The following NFATC3 variants were observed in gnomAD, a reference collection of about 807,000 sequenced individuals.
NFATC3 encodes nuclear factor of activated T-cells, cytoplasmic 3.
Under a neutral mutation model 98.6 loss-of-function variants are expected in NFATC3, and 46 were observed. That is an observed-to-expected ratio of 0.47 (90% confidence interval 0.37 to 0.60). The LOEUF is 0.60. Among genes scored for constraint, NFATC3 ranks in the 20% least tolerant of loss-of-function variants. The probability of loss-of-function intolerance (pLI) is 0.00; values close to 1 mark genes in which losing one functional copy is unlikely to be tolerated. For missense variants in NFATC3, 1,256 were observed against 1,295.5 expected, an observed-to-expected ratio of 0.97 and a Z score of 0.47; for synonymous variants, 512 against 472.2, an observed-to-expected ratio of 1.08 and a Z score of -1.09.
intron 9 of NFATC3, chr16:68,217,765 G>T: frequency 1.6e-6 from 2 of 1,231,624 alleles, no homozygotes; most frequent in Non-Finnish European, 2.0e-6. Flanking sequence ...GCCCGAGGAA[G>T]GGATGGGAAA....
intron 3 of NFATC3, among the ~76,000 whole-genome samples, chr16:68,134,355 G>A (rs972206008): frequency 5.3e-5 from 8 of 151,934 alleles, no homozygotes; most frequent in Non-Finnish European, 8.8e-5. Context: ...TTTAGACAGG[G>A]CCTCGCTATG....
Position 68,219,980 on chromosome 16 carries a change from A to T in NFATC3, c.3107-6370A>T, listed in dbSNP as rs563490016. On this transcript the variant is annotated intron_variant, in intron 9 of 9. Coordinates refer to ENST00000346183, the MANE Select transcript of NFATC3 (RefSeq NM_173165.3). ...CCTCATTCTTGTGTGTAGAAATAGC[A>T]TTCCAGTGGACTGCCAATTTGAACA... Among the ~76,000 whole-genome samples the T allele has an allele frequency of 2.6e-5, 4 of 152,336 alleles. No individual in the cohort carries two copies. The South Asian group carries it at 8.3e-4, about 32-fold the overall frequency.
chr16:68,130,652 A>T (rs2037066240), intron 3 of NFATC3, among the ~76,000 whole-genome samples: 1 of 152,042 alleles, frequency 6.6e-6, no homozygotes, highest in African/African-American at 2.4e-5. Context: ...TATTTAGTTG[A>T]TAGAGTTCTA....
At chr16:68,156,602 A>G (rs1311099961) in intron 3 of NFATC3, among the ~76,000 whole-genome samples, 3 of 152,184 alleles carry the variant, frequency 2.0e-5, no homozygotes, top group Non-Finnish European at 2.9e-5. Context: ...CAGTTGATAG[A>G]GAAAAAAACC....
At chr16:68,187,143 C>G (rs1389810979) in intron 8 of NFATC3, among the ~76,000 whole-genome samples, 1 of 152,214 alleles carries the variant, frequency 6.6e-6, no homozygotes, top group African/African-American at 2.4e-5. Context: ...TCTGGCAGCT[C>G]TAGGCACCAG....
Position 68,122,844 on chromosome 16 carries a change from C to G in NFATC3, c.961C>G (p.Leu321Val). 4.3e-6 allele frequency: 7 copies of G among 1,614,236 alleles called. No homozygotes were observed. The highest frequency in any genetic ancestry group is 5.9e-6 in the Non-Finnish European group (7 of 1,180,026). Residue 321 changes from leucine (L) to valine (V), a missense_variant, in exon 2 of 10, where the codon CTT becomes GTT. Leu to Val is a conservative substitution (Grantham distance 32, BLOSUM62 1). Coordinates refer to ENST00000346183, the MANE Select transcript of NFATC3 (RefSeq NM_173165.3). ...LNASVHGGSG[L>V]GPAVFPFQYC... ...TGCTTCTGTCCATGGTGGGTCAGGC[C>G]TTGGCCCTGCAGTTTTTCCATTTCA...
intron 8 of NFATC3, among the ~76,000 whole-genome samples, chr16:68,184,461 G>A (rs2040087283): frequency 6.6e-6 from 1 of 152,142 alleles, no homozygotes; most frequent in African/African-American, 2.4e-5. Context: ...TGGAGCAGAG[G>A]GAAGTTTGGG....
chr16:68,091,614 T>C (rs991724686), intron 1 of NFATC3, among the ~76,000 whole-genome samples: 3 of 152,186 alleles, frequency 2.0e-5, no homozygotes, highest in South Asian at 2.1e-4. Context: ...AGTATGGTAA[T>C]GTTTTGTTTT....
At chr16:68,117,496 A>G (rs1184000349) in intron 1 of NFATC3, among the ~76,000 whole-genome samples, 1 of 152,028 alleles carries the variant, frequency 6.6e-6, no homozygotes, top group Non-Finnish European at 1.5e-5. Flanking sequence ...TCTCTAAGGG[A>G]AGCAATTCCA....
intron 1 of NFATC3, among the ~76,000 whole-genome samples, chr16:68,090,530 CT>C (rs1347033542): frequency 6.6e-6 from 1 of 152,084 alleles, no homozygotes; most frequent in African/African-American, 2.4e-5. Context: ...AATATTTGGT[CT>C]TAAGACATTT....
At chr16:68,148,101 C>T (rs1209283067) in intron 3 of NFATC3, among the ~76,000 whole-genome samples, 8 of 151,998 alleles carry the variant, frequency 5.3e-5, no homozygotes, top group Non-Finnish European at 8.8e-5. Flanking sequence ...CTGCAACCTC[C>T]GCCTCCTGGG....
intron 9 of NFATC3, chr16:68,221,246 TGGCCA>T: frequency 6.2e-7 from 1 of 1,614,160 alleles, no homozygotes; most frequent in Non-Finnish European, 8.5e-7. Context: ...ACCTACGTTT[TGGCCA>T]GTCCCAGCAG....
chr16:68,119,284 T>TAA (rs1269210784), intron 1 of NFATC3, among the ~76,000 whole-genome samples: 3 of 152,226 alleles, frequency 2.0e-5, no homozygotes, highest in Non-Finnish European at 4.4e-5. Context: ...TCTGACTTCT[T>TAA]AATGCTGCTT....
At chr16:68,095,999 T>G (rs1454855027) in intron 1 of NFATC3, among the ~76,000 whole-genome samples, 1 of 152,218 alleles carries the variant, frequency 6.6e-6, no homozygotes, top group Admixed American at 6.5e-5. Flanking sequence ...TTCTTAAAAT[T>G]TATTTTGAGA....
At chr16:68,205,654 T>C (rs2041117789) in intron 9 of NFATC3, among the ~76,000 whole-genome samples, 1 of 152,226 alleles carries the variant, frequency 6.6e-6, no homozygotes, top group Non-Finnish European at 1.5e-5. Flanking sequence ...GTAGGGAGAA[T>C]TGGAGTTACT....
chr16:68,157,989 A>C lies in NFATC3; in HGVS notation c.1522A>C (p.Thr508Pro), dbSNP rs1281289389. 3 of 1,614,042 alleles carry C rather than the reference A, an allele frequency of 1.9e-6. No homozygotes were observed. The highest frequency in any genetic ancestry group is 2.5e-6 in the Non-Finnish European group (3 of 1,179,942). ...TCGAATCACTGGGAAGACAGTCGCTACTGCAAGCCAAGAGATAATAATTGC... is the reference window on the plus strand; with the variant it reads ...TCGAATCACTGGGAAGACAGTCGCTCCTGCAAGCCAAGAGATAATAATTGC... ...VHRITGKTVA[T>P]ASQEIIIAST... Residue 508 changes from threonine to proline, a missense_variant, in exon 4 of 10, where the codon ACT becomes CCT. Transcript: ENST00000346183.
At chr16:68,183,119 C>A in intron 7 of NFATC3, 121 bp from the exon 8 acceptor site, 1 of 938,404 alleles carries the variant, frequency 1.1e-6, no homozygotes, top group Non-Finnish European at 1.6e-6. Context: ...ATATGACTAG[C>A]TGATGTGCAT....
chr16:68,200,494 A>C (rs1304109831), intron 9 of NFATC3: 1 of 151,922 alleles, frequency 6.6e-6, no homozygotes, highest in African/African-American at 2.4e-5. Flanking sequence ...TCGGTGCCTC[A>C]TACCAATTTT....
intron 1 of NFATC3, chr16:68,089,306 C>T (rs1056062922): frequency 6.1e-6 from 6 of 980,294 alleles, no homozygotes; most frequent in African/African-American, 3.5e-5. Context: ...GACTTGATAA[C>T]GCTTAATAAT....
Sources: allele counts gnomAD v4.1 joint callset (sites outside exome capture counted in the v4.1 genomes callset), GRCh38; gene constraint gnomAD v4.1.1; transcripts MANE v1.5; gene names NCBI Gene and HGNC (gene_info 2026-07-23, HGNC 2026-07-21).